Variants in RBFOX1 observed in about 807,000 individuals in gnomAD.
The protein encoded by RBFOX1 is RNA binding fox-1 homolog 1, also known as RNA binding protein fox-1 homolog 1.
In RBFOX1, 8 loss-of-function variants were observed where a neutral mutation model predicts 57.7. The observed-to-expected ratio is 0.14, with a 90% CI of 0.08 to 0.25. The LOEUF (loss-of-function observed/expected upper bound fraction) is 0.25. Among genes scored for constraint, RBFOX1 ranks in the 10% least tolerant of loss-of-function variants. RBFOX1 has a pLI of 1.00. For synonymous variants in RBFOX1, 326 were observed against 222.4 expected (o/e 1.47, Z -4.15); for missense variants, 611 against 548.5 (o/e 1.11, Z -1.14).
rs2055074898 is a variant in RBFOX1, at chr16:5,802,024, A to T, written c.319-65279A>T. ...AGGCTGCATTCGCTGGAGGAAGAGG[A>T]GACCTTGACGGGGCCTCTTTATAGA... On this transcript the variant is annotated intron_variant, in intron 3 of 19. Coordinates refer to the RBFOX1 transcript ENST00000641259. 2.6e-5 allele frequency among the ~76,000 whole-genome samples: 4 copies of T among 152,096 alleles called. No homozygotes were observed. The South Asian group carries it at 8.3e-4, about 32-fold the overall frequency.
Position 6,452,691 on chromosome 16 carries a change from T to G in RBFOX1, c.-64+135634T>G, listed in dbSNP as rs540656439. The stretch of plus-strand genomic sequence containing the variant: ...GAGCTGCCATAAATAGACATGATAT[T>G]TGACTATAGGTGGTTCACAGTTTAG... On this transcript the variant is annotated intron_variant, in intron 2 of 15. Transcript: ENST00000550418. 1.4e-3 allele frequency among the ~76,000 whole-genome samples: 211 copies of G among 152,330 alleles called. 1 individual carries two copies. The highest frequency in any genetic ancestry group is 4.9e-3 in the African/African-American group (205 of 41,572).
At chr16:6,655,413 C>G (rs529185787) in intron 3 of RBFOX1, among the ~76,000 whole-genome samples, 1 of 103,198 alleles carries the variant, frequency 9.7e-6, no homozygotes, top group Non-Finnish European at 2.1e-5. Flanking sequence ...AGAGCTCGCG[C>G]TCAATTTCCA....
chr16:5,610,404 G>A (rs1475597781), intron 3 of RBFOX1: 1 of 152,244 alleles, frequency 6.6e-6, no homozygotes, highest in East Asian at 1.9e-4. Context: ...GCCTCGTGAG[G>A]CAAGGGAACT....
At chr16:7,614,554 G>T (rs2058103074) in intron 10 of RBFOX1, 1 of 152,158 alleles carries the variant, frequency 6.6e-6, no homozygotes, top group Non-Finnish European at 1.5e-5. Context: ...TTTTTCTTGT[G>T]TGTGGGAAGT....
chr16:7,626,872 G>A (rs528629008), intron 10 of RBFOX1, among the ~76,000 whole-genome samples: 3 of 152,266 alleles, frequency 2.0e-5, no homozygotes, highest in East Asian at 1.9e-4. Context: ...TGAGGATCAG[G>A]TATTTTCCTA....
At chr16:7,436,455 A>G (rs1339151698) in intron 4 of RBFOX1, among the ~76,000 whole-genome samples, 1 of 152,214 alleles carries the variant, frequency 6.6e-6, no homozygotes, top group East Asian at 1.9e-4. Flanking sequence ...CCATCAGATC[A>G]CTGTCAAACA....
At position 6,891,192 on chromosome 16, in the gene RBFOX1, T is replaced by C. The variant is rs144479709; in HGVS notation, c.-15-160865T>C. ...ATGCATCCATTTTTATTATCAGTAG[T>C]GGCTACAATAATATTTGTAGCAGCT... On this transcript the variant is annotated intron_variant, in intron 3 of 15. Transcript: ENST00000550418. 4.1e-3 allele frequency among the ~76,000 whole-genome samples: 618 copies of C among 152,340 alleles called. 5 individuals are homozygous for C. Among genetic ancestry groups the C allele is most frequent in the African/African-American group, 0.014 (592 of 41,564 alleles).
At chr16:5,870,312 A>G (rs1405581218) in intron 4 of RBFOX1, among the ~76,000 whole-genome samples, 1 of 150,810 alleles carries the variant, frequency 6.6e-6, no homozygotes, top group Non-Finnish European at 1.5e-5. Flanking sequence ...ACCATCATAT[A>G]TAAAACTGAT....
intron 2 of RBFOX1, among the ~76,000 whole-genome samples, chr16:6,433,701 C>T (rs933105661): frequency 5.9e-5 from 9 of 152,134 alleles, no homozygotes; most frequent in African/African-American, 2.2e-4. Context: ...AGGGAAGAAT[C>T]TGTTTTCTTG....
chr16:6,794,036 A>G (rs2083462424), intron 3 of RBFOX1, among the ~76,000 whole-genome samples: 6 of 152,120 alleles, frequency 3.9e-5, no homozygotes, highest in Admixed American at 3.9e-4. Flanking sequence ...CACGCTAGGG[A>G]ATTTCTATCA....
chr16:5,556,640 C>T (rs11645014), intron 2 of RBFOX1, among the ~76,000 whole-genome samples: 43,400 of 152,168 alleles, frequency 0.29, 6,889 homozygotes, highest in Non-Finnish European at 0.35. Context: ...TTGGGAGAAC[C>T]AGCGGCTGCA....
intron 2 of RBFOX1, among the ~76,000 whole-genome samples, chr16:6,610,220 C>G (rs2098024071): frequency 6.6e-6 from 1 of 152,120 alleles, no homozygotes; most frequent in African/African-American, 2.4e-5. Flanking sequence ...TCTATGTTTT[C>G]TTTTCCACTG....
chr16:5,313,084 G>C (rs2064135903), intron 1 of RBFOX1, among the ~76,000 whole-genome samples: 2 of 152,118 alleles, frequency 1.3e-5, no homozygotes, highest in Admixed American at 1.3e-4. Context: ...TCTGTGAACT[G>C]TTTGATTTTG....
chr16:5,296,002 A>G (rs190481944), intron 1 of RBFOX1, among the ~76,000 whole-genome samples: 97 of 152,320 alleles, frequency 6.4e-4, no homozygotes, highest in Admixed American at 3.3e-3. Flanking sequence ...TATTACTACC[A>G]TTGTTAATAT....
chr16:7,198,150 C>T (rs898625445), intron 4 of RBFOX1, among the ~76,000 whole-genome samples: 3 of 151,900 alleles, frequency 2.0e-5, no homozygotes. Flanking sequence ...GGACTACAGG[C>T]ACCCGCCACC....
At chr16:5,874,404 C>T (rs926709443) in intron 4 of RBFOX1, among the ~76,000 whole-genome samples, 1 of 152,162 alleles carries the variant, frequency 6.6e-6, no homozygotes, top group African/African-American at 2.4e-5. Context: ...GGGATTTACA[C>T]ATTGAAAGGT....
chr16:6,395,618 C>T (rs866620942), intron 2 of RBFOX1, among the ~76,000 whole-genome samples: 1 of 151,918 alleles, frequency 6.6e-6, no homozygotes, highest in East Asian at 1.9e-4. Context: ...AGATTCATAA[C>T]ATTTGGATTA....
At chr16:5,841,177 A>G (rs1290813749) in intron 3 of RBFOX1, among the ~76,000 whole-genome samples, 1 of 152,196 alleles carries the variant, frequency 6.6e-6, no homozygotes, top group Admixed American at 6.5e-5. Flanking sequence ...CTCCAACACT[A>G]TATAGAGTAG....
intron 4 of RBFOX1, among the ~76,000 whole-genome samples, chr16:7,273,549 T>C (rs2095381573): frequency 6.6e-6 from 1 of 152,192 alleles, no homozygotes; most frequent in Admixed American, 6.5e-5. Flanking sequence ...CCAAGTGGGT[T>C]AACCTCTTTG....
Sources: gnomAD v4.1 joint callset for allele counts (sites outside exome capture counted in the v4.1 genomes callset) on GRCh38, gnomAD v4.1.1 for gene constraint, MANE v1.5 for transcripts, NCBI Gene and HGNC (gene_info 2026-07-23, HGNC 2026-07-21) for gene names.